The following RCL1 variants were observed in gnomAD, a reference collection of about 807,000 sequenced individuals.
RCL1 encodes the protein RNA 3'-terminal phosphate cyclase-like protein.
Under a neutral mutation model 42.4 loss-of-function variants are expected in RCL1, and 24 were observed. The ratio of observed to expected loss-of-function variants is 0.57; its 90% CI spans 0.41 to 0.80. The LOEUF (loss-of-function observed/expected upper bound fraction) is 0.80, where lower values mean the gene tolerates loss of function less well. RCL1 is among the 30% of genes least tolerant of loss of function. The pLI, the probability that RCL1 is intolerant of heterozygous loss-of-function variation, is 0.00. For missense variants in RCL1, 578 were observed against 467.9 expected (o/e 1.24, Z -2.17); for synonymous variants, 228 against 177.3 (o/e 1.29, Z -2.27).
intron 8 of RCL1, 69 bp from the exon 9 acceptor site, chr9:4,860,056 G>T: frequency 9.0e-7 from 1 of 1,114,262 alleles, no homozygotes; most frequent in Non-Finnish European, 1.2e-6. Context: ...TTGGATTCTA[G>T]GTGGTAGAGG....
In RCL1 at chr9:4,834,162, C is replaced by T. The variant is rs757541031; in HGVS notation, c.481C>T (p.Pro161Ser). Reference sequence around the variant, plus strand: ...GTAGATTGTGCGACGGGGAATGCCTCCCGGAGGAGGAGGCGAAGTGGTTTT... The same window carrying T: ...GTAGATTGTGCGACGGGGAATGCCTTCCGGAGGAGGAGGCGAAGTGGTTTT... ...ELKIVRRGMP[P>S]GGGGEVVFSC... is the part of the protein sequence containing the mutation. The change falls in exon 5 of 9, where the codon CCC (proline) becomes TCC (serine). Residue 161 changes from proline to serine, a missense_variant. Coordinates refer to ENST00000381750, the MANE Select transcript of RCL1 (RefSeq NM_005772.5). 2.7e-5 allele frequency: 44 copies of T among 1,606,538 alleles called. No individual in the cohort carries two copies. The highest frequency in any genetic ancestry group is 1.8e-5 in the Non-Finnish European group (21 of 1,176,420).
chr9:4,818,181 A>T (rs1318597380), intron 1 of RCL1, among the ~76,000 whole-genome samples: 1 of 151,996 alleles, frequency 6.6e-6, no homozygotes, highest in East Asian at 1.9e-4. Flanking sequence ...TCGGCCTCCC[A>T]TAGTGCTGGG....
intron 1 of RCL1, among the ~76,000 whole-genome samples, chr9:4,813,222 A>T (rs112028815): frequency 6.6e-6 from 1 of 152,176 alleles, no homozygotes; most frequent in East Asian, 1.9e-4. Flanking sequence ...TGCACAGCAA[A>T]AGAAACTACC....
At position 4,841,247 on chromosome 9, in the gene RCL1, G is replaced by A; in HGVS notation, c.600G>A (p.Val200=). Residue 200 remains valine, a synonymous_variant, in exon 6 of 9, where the codon GTG becomes GTA. Coordinates refer to ENST00000381750, the MANE Select transcript of RCL1 (RefSeq NM_005772.5). ...CAGGCTGCAGGTACTCTGTACGTGT[G>A]TCACCTCAGATGGCGAACCGGATTG... ...RIRGMAYSVR[V]SPQMANRIVD... 1 of 1,613,958 alleles carries A rather than the reference G, an allele frequency of 6.2e-7. No homozygotes were observed. The highest frequency in any genetic ancestry group is 8.5e-7 in the Non-Finnish European group (1 of 1,179,878).
At chr9:4,850,169 C>T (rs1333043041) in intron 8 of RCL1, 2 of 389,080 alleles carry the variant, frequency 5.1e-6, no homozygotes, top group Non-Finnish European at 1.2e-5. Context: ...TTGCGGAAAA[C>T]AGCCTATTTG....
intron 1 of RCL1, among the ~76,000 whole-genome samples, chr9:4,808,404 C>G (rs992109602): frequency 1.5e-4 from 23 of 152,000 alleles, no homozygotes; most frequent in African/African-American, 5.6e-4. Flanking sequence ...ACCTCCTGGG[C>G]TCAAGTGATC....
intron 7 of RCL1, among the ~76,000 whole-genome samples, chr9:4,845,850 A>G (rs1345657792): frequency 6.6e-6 from 1 of 152,238 alleles, no homozygotes; most frequent in African/African-American, 2.4e-5. Flanking sequence ...GGAGCTGAAG[A>G]GACTTCTTTC....
chr9:4,827,312 G>T, intron 3 of RCL1: 2 of 1,132,802 alleles, frequency 1.8e-6, no homozygotes, highest in Middle Eastern at 3.0e-4. Context: ...TAGTTGACAT[G>T]AACTATAGTT....
chr9:4,827,078 T>C lies in RCL1; in HGVS notation c.384+45T>C, dbSNP rs761746430. The C allele has an allele frequency of 3.7e-6, 6 of 1,613,098 alleles. 1 individual carries two copies. The highest frequency in any genetic ancestry group is 1.6e-4 in the Middle Eastern group (1 of 6,084). ...CGTGGTGTGGTTTTTGTTTTGTCTC[T>C]TGTCACAACCCAACTTGTGAGAAAA... On this transcript the variant is annotated intron_variant, in intron 3 of 8. Transcript: ENST00000381750.
rs1816782220 is a variant in RCL1 at position 4,826,916 on chromosome 9, T to C, written c.267T>C (p.Cys89=). The part of the protein sequence containing the change: ...LLYGGSVEHD[C]SVLRGIGYYL... ...ATGGTGGATCTGTGGAACATGACTGTAGCGTCCTTCGTGGCATTGGGTATT... is the reference window on the plus strand; with the variant it reads ...ATGGTGGATCTGTGGAACATGACTGCAGCGTCCTTCGTGGCATTGGGTATT... The change falls in exon 3 of 9, where the codon TGT becomes TGC. Residue 89 remains cysteine, a synonymous_variant. Coordinates refer to ENST00000381750, the MANE Select transcript of RCL1 (RefSeq NM_005772.5). 1.9e-6 allele frequency: 3 copies of C among 1,614,150 alleles called. No individual in the cohort carries two copies. Among genetic ancestry groups the C allele is most frequent in the East Asian group, 2.2e-5 (1 of 44,884 alleles).
chr9:4,799,080 C>G (rs1462792187), intron 1 of RCL1, among the ~76,000 whole-genome samples: 2 of 115,664 alleles, frequency 1.7e-5, no homozygotes, highest in African/African-American at 3.4e-5. Context: ...CCCTCCTTCT[C>G]TCCTTCCCTC....
At chr9:4,807,439 G>C (rs1816015833) in intron 1 of RCL1, among the ~76,000 whole-genome samples, 1 of 151,972 alleles carries the variant, frequency 6.6e-6, no homozygotes, top group Non-Finnish European at 1.5e-5. Flanking sequence ...ATAAATTTTG[G>C]TATATTTCAT....
chr9:4,793,718 C>T (rs1289293869), intron 1 of RCL1, among the ~76,000 whole-genome samples: 1 of 152,190 alleles, frequency 6.6e-6, no homozygotes, highest in Non-Finnish European at 1.5e-5. Flanking sequence ...GTTCCTGTCG[C>T]CATGATTTCT....
intron 1 of RCL1, among the ~76,000 whole-genome samples, chr9:4,810,248 A>G (rs190966421): frequency 6.6e-6 from 1 of 152,152 alleles, no homozygotes; most frequent in Non-Finnish European, 1.5e-5. Flanking sequence ...GTACAGTTTG[A>G]TGAGTTATTA....
intron 1 of RCL1, among the ~76,000 whole-genome samples, chr9:4,805,150 AG>A (rs1310810617): frequency 6.6e-6 from 1 of 152,118 alleles, no homozygotes; most frequent in Admixed American, 6.5e-5. Context: ...TTAGAAATGA[AG>A]CCTCCAGCCT....
Position 4,826,743 on chromosome 9 carries a change from G to A in RCL1, c.209-115G>A, listed in dbSNP as rs1052876627. The A allele has an allele frequency of 1.0e-5, 9 of 865,144 alleles. No individual in the cohort carries two copies. The African/African-American group carries it at 1.5e-4, about 15-fold the overall frequency. The allele number at this position is 865,144 out of a possible 1,614,324, so 53.6% of individuals were successfully genotyped here. A position where few individuals can be genotyped will look rare whatever the true frequency, so the allele number is the denominator to read the frequency against. On this transcript the variant is annotated intron_variant, in intron 2 of 8. Transcript: ENST00000381750. Reference sequence around the variant, plus strand: ...TGGGCTCTTAGCAAGATGGCATTTCGAGCACTCTTGGATGCCCTTGTCAGG... The same window carrying A: ...TGGGCTCTTAGCAAGATGGCATTTCAAGCACTCTTGGATGCCCTTGTCAGG...
intron 1 of RCL1, among the ~76,000 whole-genome samples, chr9:4,818,517 A>G (rs1816474787): frequency 6.6e-6 from 1 of 152,184 alleles, no homozygotes; most frequent in Non-Finnish European, 1.5e-5. Context: ...TTTGGATTTA[A>G]TGAGGAAAGG....
rs770790310 is a variant in RCL1 at position 4,827,056 on chromosome 9, G to T, written c.384+23G>T. On this transcript the variant is annotated intron_variant, in intron 3 of 8. Coordinates refer to ENST00000381750, the MANE Select transcript of RCL1 (RefSeq NM_005772.5). ...TCAGTGAGTATTGAGAACAAACCGT[G>T]GTGTGGTTTTTGTTTTGTCTCTTGT... 1.3e-5 allele frequency: 21 copies of T among 1,613,954 alleles called. No homozygotes were observed. In the South Asian group the frequency reaches 2.3e-4, roughly 18 times the overall value.
At chr9:4,829,701 A>AGTG (rs1484240040) in intron 3 of RCL1, among the ~76,000 whole-genome samples, 2 of 152,054 alleles carry the variant, frequency 1.3e-5, no homozygotes, top group African/African-American at 4.8e-5. Context: ...ACAGTGTGGC[A>AGTG]GTGGTGGCGG....
Sources: allele counts gnomAD v4.1 joint callset (sites outside exome capture counted in the v4.1 genomes callset), GRCh38; gene constraint gnomAD v4.1.1; transcripts MANE v1.5; gene names NCBI Gene and HGNC (gene_info 2026-07-23, HGNC 2026-07-21).